The following LRP2 variants were observed in gnomAD, a reference collection of about 807,000 sequenced individuals.
The protein encoded by LRP2 is LDL receptor related protein 2.
A neutral mutation model predicts 531.0 loss-of-function variants in LRP2; 172 were observed. The observed-to-expected ratio is 0.32, with a 90% confidence interval of 0.29 to 0.37. The LOEUF (loss-of-function observed/expected upper bound fraction) is 0.37. LRP2 is among the 10% of genes least tolerant of loss of function. The pLI is 1.00. For missense variants in LRP2, 5,167 were observed against 5,868.3 expected (o/e 0.88, Z 3.90); for synonymous variants, 1,992 against 2,027.6 (o/e 0.98, Z 0.47).
At position 169,128,691 on chromosome 2, in the gene LRP2, T is replaced by C. The variant is rs1295611747; in HGVS notation, c.13940A>G (p.Asn4647Ser). The C allele has an allele frequency of 5.0e-6, 8 of 1,614,160 alleles. No homozygotes were observed. The highest frequency in any genetic ancestry group is 6.8e-6 in the Non-Finnish European group (8 of 1,179,984). ...ATEDTFKDTANLVKEDSEV is the reference protein window; with the variant it reads ...ATEDTFKDTASLVKEDSEV ...TACTTCAGAGTCTTCTTTAACAAGA[T>C]TTGCGGTGTCTTTAAAAGTGTCTTC... The change falls in exon 79 of 79, where the codon AAT (asparagine) becomes AGT (serine). Residue 4647 changes from asparagine (N) to serine (S), a missense_variant. By Grantham distance (46) the Asn-to-Ser change is conservative. This residue lies in a region of LRP2 where 348 missense variants were observed against 369.3 expected (regional missense o/e 0.94). Transcript: ENST00000649046.
At chr2:169,142,126 T>A (rs1167826210) in intron 71 of LRP2, among the ~76,000 whole-genome samples, 1 of 152,124 alleles carries the variant, frequency 6.6e-6, no homozygotes, top group African/African-American at 2.4e-5. Flanking sequence ...TTCGCCCCCA[T>A]CCGGCTTATT....
chr2:169,308,799 CTG>C (rs1338700939), intron 3 of LRP2, among the ~76,000 whole-genome samples: 1 of 152,232 alleles, frequency 6.6e-6, no homozygotes, highest in Admixed American at 6.5e-5. Context: ...AATCGCCACA[CTG>C]TCTTCCACAA....
chr2:169,202,518 C>T (rs1250497240), intron 43 of LRP2, among the ~76,000 whole-genome samples: 1 of 152,118 alleles, frequency 6.6e-6, no homozygotes, highest in Non-Finnish European at 1.5e-5. Flanking sequence ...AGTAACTTTC[C>T]CAGGTCTATA....
At chr2:169,190,583 T>A (rs1278243805) in intron 48 of LRP2, among the ~76,000 whole-genome samples, 1 of 152,182 alleles carries the variant, frequency 6.6e-6, no homozygotes, top group Non-Finnish European at 1.5e-5. Flanking sequence ...GCTTCTCTGA[T>A]CTTGTGCCTA....
At chr2:169,322,187 C>T (rs752368706) in intron 1 of LRP2, among the ~76,000 whole-genome samples, 13 of 152,176 alleles carry the variant, frequency 8.5e-5, no homozygotes, top group Non-Finnish European at 1.2e-4. Context: ...CAAGTACCTA[C>T]TCCTAAAATA....
At chr2:169,259,398 A>G (rs560233964) in intron 16 of LRP2, among the ~76,000 whole-genome samples, 181 bp from the exon 17 acceptor site, 58 of 151,764 alleles carry the variant, frequency 3.8e-4, no homozygotes, top group Non-Finnish European at 7.1e-4. Context: ...AACATGAGAC[A>G]AACCTAGAAT....
chr2:169,138,214 A>G (rs763381554), intron 75 of LRP2, among the ~76,000 whole-genome samples: 4 of 152,212 alleles, frequency 2.6e-5, no homozygotes, highest in Non-Finnish European at 5.9e-5. Context: ...TAGGAAAAAT[A>G]TAGTTCCCTA....
intron 34 of LRP2, among the ~76,000 whole-genome samples, chr2:169,218,781 G>A (rs199786166): frequency 7.9e-5 from 12 of 152,020 alleles, no homozygotes; most frequent in African/African-American, 1.9e-4. Flanking sequence ...ATTTCTGAAC[G>A]TTCTTTCCTT....
At chr2:169,355,226 G>C (rs1005723864) in intron 1 of LRP2, among the ~76,000 whole-genome samples, 1 of 152,140 alleles carries the variant, frequency 6.6e-6, no homozygotes, top group Non-Finnish European at 1.5e-5. Flanking sequence ...AGATCACCAT[G>C]TCTTTTTTCT....
At chr2:169,325,890 A>G (rs1035419688) in intron 1 of LRP2, among the ~76,000 whole-genome samples, 6 of 152,082 alleles carry the variant, frequency 3.9e-5, no homozygotes, top group African/African-American at 1.4e-4. Context: ...TTAGAGCAAA[A>G]CAATACTATA....
At chr2:169,222,019 C>T (rs143564771) in intron 33 of LRP2, among the ~76,000 whole-genome samples, 1 of 152,252 alleles carries the variant, frequency 6.6e-6, no homozygotes, top group Admixed American at 6.5e-5. Context: ...CAATGTTTCT[C>T]TTATTTTCAA....
At chr2:169,184,685 GTCTCATGTTAGCCAT>G (rs1387255479) in intron 50 of LRP2, among the ~76,000 whole-genome samples, 2 of 152,082 alleles carry the variant, frequency 1.3e-5, no homozygotes, top group African/African-American at 4.8e-5. Flanking sequence ...CAAAACAAGA[GTCTCATGTTAGCCAT>G]TCTCCAGTTT....
chr2:169,359,796 G>A (rs532396423), intron 1 of LRP2, among the ~76,000 whole-genome samples: 46 of 152,176 alleles, frequency 3.0e-4, no homozygotes, highest in African/African-American at 1.1e-3. Context: ...TGGACAGTAA[G>A]TTAGGGAGCA....
chr2:169,289,169 T>TA, intron 8 of LRP2, 24 bp from the exon 9 acceptor site: 1 of 1,613,668 alleles, frequency 6.2e-7, no homozygotes, highest in East Asian at 2.2e-5. Flanking sequence ...AGAACTTTGT[T>TA]AAATGAATGG....
chr2:169,150,927 TG>T lies in LRP2; in HGVS notation c.12560del (p.Pro4187GlnfsTer6), dbSNP rs1427426982. The T allele has an allele frequency of 1.2e-6, 2 of 1,614,136 alleles. No homozygotes were observed. On this transcript the variant is annotated frameshift_variant, in exon 68 of 79. Coordinates refer to ENST00000649046, the MANE Select transcript of LRP2 (RefSeq NM_004525.3). LOFTEE classifies it high-confidence loss of function. Reference sequence around the variant, plus strand: ...GTTTGGGATTCACAGCAATAGCAGCTGGTTGGTCCAGGTCAGTGGAAATCAG... The same window carrying T: ...GTTTGGGATTCACAGCAATAGCAGCTGTTGGTCCAGGTCAGTGGAAATCAG... ...KWLISTDLDQ[P>X]AAIAVNPKLG... is the part of the protein sequence containing the mutation.
At chr2:169,330,781 A>G (rs1490773161) in intron 1 of LRP2, among the ~76,000 whole-genome samples, 1 of 152,158 alleles carries the variant, frequency 6.6e-6, no homozygotes, top group Admixed American at 6.5e-5. Flanking sequence ...AGTGGAGAAC[A>G]ACTCAGAACC....
In LRP2 at chr2:169,275,154, C is replaced by T; in HGVS notation, c.1857G>A (p.Trp619Ter). ...TTGCCTTCAGCACGGCCATCTTTGT[C>T]CAATCTGTAAAGAACACCTGACCTT... The part of the protein sequence containing the change: ...LFEGQVFFTD[W>*]TKMAVLKANK... The change falls in exon 14 of 79, where the codon TGG (tryptophan) becomes TGA (stop). Residue 619 changes from tryptophan (W) to a stop codon, truncating the protein, a stop_gained. Transcript: ENST00000649046. LOFTEE classifies it high-confidence loss of function. 2 of 1,613,746 alleles carry T rather than the reference C, an allele frequency of 1.2e-6. No individual in the cohort carries two copies. Among genetic ancestry groups the T allele is most frequent in the Non-Finnish European group, 1.7e-6 (2 of 1,179,860 alleles).
chr2:169,267,372 A>G (rs956792063), intron 16 of LRP2, among the ~76,000 whole-genome samples: 1 of 152,136 alleles, frequency 6.6e-6, no homozygotes, highest in Non-Finnish European at 1.5e-5. Flanking sequence ...ACTCCTCAGC[A>G]AATGTAAAAG....
intron 4 of LRP2, among the ~76,000 whole-genome samples, chr2:169,299,091 GAAAGAAAGAAA>G (rs1684207129): frequency 3.3e-3 from 8 of 2,456 alleles, no homozygotes; most frequent in African/African-American, 7.5e-3. Flanking sequence ...AAGAAGGAAA[GAAAGAAAGAAA>G]GAAAGAAAGA....
Sources: allele counts gnomAD v4.1 joint callset (sites outside exome capture counted in the v4.1 genomes callset), GRCh38; gene constraint gnomAD v4.1.1; regional missense constraint gnomAD v4.1.1; transcripts MANE v1.5; gene names NCBI Gene and HGNC (gene_info 2026-07-23, HGNC 2026-07-21).